The following DAB1 variants were observed in gnomAD, a reference collection of about 807,000 sequenced individuals.
DAB1 encodes the protein DAB adaptor protein 1.
In DAB1, 15 loss-of-function variants were observed where a neutral mutation model predicts 64.6. That is an observed-to-expected ratio of 0.23 (90% CI 0.16 to 0.36). The LOEUF (loss-of-function observed/expected upper bound fraction) is 0.36, where lower values mean the gene tolerates loss of function less well. DAB1 is among the 10% of genes least tolerant of loss of function. DAB1 has a pLI of 1.00. For missense variants in DAB1, 596 were observed against 706.7 expected (o/e 0.84, Z 1.78); for synonymous variants, 235 against 251.9 (o/e 0.93, Z 0.64).
At chr1:57,505,759 C>T (rs947886537) in intron 7 of DAB1, among the ~76,000 whole-genome samples, 1 of 152,206 alleles carries the variant, frequency 6.6e-6, no homozygotes. Context: ...CAGCCTCAGC[C>T]TCCTGGGCTC....
At chr1:57,246,420 C>G (rs142281203) in intron 2 of DAB1, among the ~76,000 whole-genome samples, 210 of 152,320 alleles carry the variant, frequency 1.4e-3, no homozygotes, top group African/African-American at 4.1e-3. Flanking sequence ...GTTGAGCCTG[C>G]AGGTGCACAG....
chr1:57,970,502 T>C (rs1413284041), intron 5 of DAB1, among the ~76,000 whole-genome samples: 1 of 151,852 alleles, frequency 6.6e-6, no homozygotes, highest in East Asian at 1.9e-4. Context: ...ATTTAAAACA[T>C]GAGAAAAGGA....
intron 6 of DAB1, among the ~76,000 whole-genome samples, chr1:57,736,850 G>C (rs779560354): frequency 1.3e-5 from 2 of 152,102 alleles, no homozygotes; most frequent in Non-Finnish European, 2.9e-5. Context: ...GCTAGAATCA[G>C]TTGTGTCAGT....
intron 3 of DAB1, among the ~76,000 whole-genome samples, chr1:58,390,049 C>G (rs934575712): frequency 6.6e-6 from 1 of 151,982 alleles, no homozygotes; most frequent in African/African-American, 2.4e-5. Context: ...CTTAGCAGGG[C>G]GAAAATATAC....
intron 1 of DAB1, among the ~76,000 whole-genome samples, chr1:57,396,072 G>A (rs1682781068): frequency 6.6e-6 from 1 of 152,196 alleles, no homozygotes; most frequent in African/African-American, 2.4e-5. Context: ...GAGCTATAAG[G>A]TGGGATAGAG....
At chr1:57,362,594 G>C (rs1679643118) in intron 1 of DAB1, among the ~76,000 whole-genome samples, 1 of 152,114 alleles carries the variant, frequency 6.6e-6, no homozygotes, top group Admixed American at 6.6e-5. Context: ...AGTGGGATTA[G>C]TCCCCTTATA....
At chr1:57,933,105 G>A (rs1443912512) in intron 5 of DAB1, among the ~76,000 whole-genome samples, 1 of 152,210 alleles carries the variant, frequency 6.6e-6, no homozygotes, top group Non-Finnish European at 1.5e-5. Flanking sequence ...ACCCACAAAG[G>A]TGTGGAGTCT....
At chr1:57,636,899 T>C (rs1646063470) in intron 7 of DAB1, among the ~76,000 whole-genome samples, 1 of 152,092 alleles carries the variant, frequency 6.6e-6, no homozygotes, top group African/African-American at 2.4e-5. Context: ...GAAATATGGA[T>C]GGATAATATA....
At chr1:57,613,241 G>T (rs1462190299) in intron 7 of DAB1, among the ~76,000 whole-genome samples, 1 of 152,196 alleles carries the variant, frequency 6.6e-6, no homozygotes, top group Non-Finnish European at 1.5e-5. Flanking sequence ...TGAATGAAAA[G>T]AAACTCAAAG....
At chr1:58,056,605 G>A in intron 5 of DAB1, 1 of 674,858 alleles carries the variant, frequency 1.5e-6, no homozygotes, top group South Asian at 1.7e-5. Flanking sequence ...CAATGCCCCA[G>A]TGCAAGCTGT....
At chr1:58,144,793 A>G (rs575342913) in intron 5 of DAB1, among the ~76,000 whole-genome samples, 3 of 152,338 alleles carry the variant, frequency 2.0e-5, no homozygotes, top group African/African-American at 7.2e-5. Context: ...CTGATTGCCC[A>G]GGTCAGAGTT....
chr1:57,234,489 T>A (rs1177366215), intron 2 of DAB1, among the ~76,000 whole-genome samples: 1 of 152,208 alleles, frequency 6.6e-6, no homozygotes, highest in Non-Finnish European at 1.5e-5. Flanking sequence ...TTTTTTGTTT[T>A]TAATTTTTTC....
intron 5 of DAB1, among the ~76,000 whole-genome samples, chr1:57,979,514 G>A (rs990236265): frequency 2.6e-5 from 4 of 152,120 alleles, no homozygotes; most frequent in African/African-American, 4.8e-5. Context: ...GTATACCTAC[G>A]TAACAAACCT....
intron 9 of DAB1, among the ~76,000 whole-genome samples, chr1:57,029,703 A>C (rs1570542778): frequency 6.6e-6 from 1 of 152,248 alleles, no homozygotes; most frequent in Non-Finnish European, 1.5e-5. Context: ...GGAGCTTTAA[A>C]ATTTGACTGC....
At chr1:57,183,314 A>G (rs1435400934) in intron 2 of DAB1, among the ~76,000 whole-genome samples, 2 of 152,334 alleles carry the variant, frequency 1.3e-5, no homozygotes, top group East Asian at 3.9e-4. Context: ...ACTGGAGGTA[A>G]AGACAGTTAC....
chr1:57,121,129 A>G (rs1272191691), intron 4 of DAB1, among the ~76,000 whole-genome samples: 1 of 126,822 alleles, frequency 7.9e-6, no homozygotes, highest in African/African-American at 3.0e-5. Context: ...AAGAAGAAGA[A>G]GAGAAGAAGA....
At chr1:58,256,695 T>C (rs1188599266) in intron 4 of DAB1, among the ~76,000 whole-genome samples, 1 of 152,192 alleles carries the variant, frequency 6.6e-6, no homozygotes, top group African/African-American at 2.4e-5. Flanking sequence ...GTGAGATCCT[T>C]GCAGTCATGG....
chr1:58,154,185 A>C (rs898643616), intron 4 of DAB1, among the ~76,000 whole-genome samples: 3 of 152,036 alleles, frequency 2.0e-5, no homozygotes, highest in Non-Finnish European at 4.4e-5. Context: ...TACCTTCAGC[A>C]AGTCATTCAA....
intron 5 of DAB1, among the ~76,000 whole-genome samples, chr1:57,949,960 G>A (rs1645247495): frequency 6.6e-6 from 1 of 152,172 alleles, no homozygotes; most frequent in Admixed American, 6.6e-5. Flanking sequence ...TCACAGATGA[G>A]GTTACAGACT....
Sources: gnomAD v4.1 joint callset for allele counts (sites outside exome capture counted in the v4.1 genomes callset) on GRCh38, gnomAD v4.1.1 for gene constraint, MANE v1.5 for transcripts, NCBI Gene and HGNC (gene_info 2026-07-23, HGNC 2026-07-21) for gene names.